SOX5: variants seen among roughly 807,000 people sequenced by gnomAD.
The protein encoded by SOX5 is transcription factor SOX-5.
SOX5 carries 9 observed loss-of-function variants against 92.0 expected under a neutral mutation model. That is an observed-to-expected ratio of 0.10 (90% CI 0.06 to 0.17). The LOEUF is 0.17. SOX5 is among the 10% of genes least tolerant of loss of function. The probability of loss-of-function intolerance (pLI) is 1.00; values close to 1 mark genes in which losing one functional copy is unlikely to be tolerated. For synonymous variants in SOX5, 344 were observed against 336.3 expected (o/e 1.02, Z -0.25); for missense variants, 642 against 944.5 (o/e 0.68, Z 4.20).
chr12:24,266,945 GTC>G (rs1943102073), intron 3 of SOX5, among the ~76,000 whole-genome samples: 1 of 152,128 alleles, frequency 6.6e-6, no homozygotes, highest in Non-Finnish European at 1.5e-5. Flanking sequence ...CACCAACACT[GTC>G]TCTTAGTATT....
At chr12:24,097,903 T>C (rs935097404) in intron 4 of SOX5, among the ~76,000 whole-genome samples, 1 of 152,188 alleles carries the variant, frequency 6.6e-6, no homozygotes, top group Non-Finnish European at 1.5e-5. Context: ...TGTAAACTTT[T>C]AAGCATATAT....
chr12:24,091,341 T>C (rs1354119540), intron 4 of SOX5, among the ~76,000 whole-genome samples: 1 of 152,052 alleles, frequency 6.6e-6, no homozygotes, highest in Non-Finnish European at 1.5e-5. Context: ...TACTTAAAGC[T>C]AGTGGCTAAA....
intron 10 of SOX5, among the ~76,000 whole-genome samples, chr12:23,570,926 AAAAAATATATATATATATATATATATAT>A (rs71059905): frequency 0.18 from 7,598 of 41,508 alleles, 1,229 homozygotes; most frequent in Non-Finnish European, 0.22. Flanking sequence ...AAAAAAAAAA[AAAAAATATATATATATATATATATATAT>A]ATATATATAT....
intron 2 of SOX5, among the ~76,000 whole-genome samples, chr12:23,867,900 G>A (rs542407255): frequency 6.6e-6 from 1 of 151,312 alleles, no homozygotes; most frequent in Admixed American, 6.6e-5. Flanking sequence ...AATAATATGA[G>A]TAGATAGATT....
intron 4 of SOX5, among the ~76,000 whole-genome samples, chr12:23,976,393 A>AAAAAAT: frequency 8.3e-6 from 1 of 120,868 alleles, no homozygotes; most frequent in Admixed American, 1.0e-4. Context: ...ACACTATTAA[A>AAAAAAT]AAAACAAAAA....
intron 4 of SOX5, among the ~76,000 whole-genome samples, chr12:24,095,309 G>A (rs1945266838): frequency 6.6e-6 from 1 of 151,976 alleles, no homozygotes; most frequent in Admixed American, 6.6e-5. Context: ...GTAATTGTCT[G>A]TTTTCTTCCT....
intron 3 of SOX5, among the ~76,000 whole-genome samples, chr12:23,787,992 C>T (rs563865771): frequency 1.3e-5 from 2 of 151,312 alleles, no homozygotes; most frequent in African/African-American, 2.4e-5. Context: ...AAAGATACTG[C>T]TCATCTATTT....
intron 1 of SOX5, among the ~76,000 whole-genome samples, chr12:24,370,022 T>C (rs1433478307): frequency 6.6e-6 from 1 of 152,036 alleles, no homozygotes; most frequent in Non-Finnish European, 1.5e-5. Flanking sequence ...TTCCCAATAA[T>C]AGATATAGAA....
chr12:24,160,657 G>T (rs1476453352), intron 4 of SOX5, among the ~76,000 whole-genome samples: 1 of 151,942 alleles, frequency 6.6e-6, no homozygotes, highest in Non-Finnish European at 1.5e-5. Flanking sequence ...AGGGAAGAAA[G>T]GTTGGATATA....
intron 13 of SOX5, among the ~76,000 whole-genome samples, chr12:23,541,789 C>T (rs1942100202): frequency 1.3e-5 from 2 of 152,120 alleles, no homozygotes; most frequent in South Asian, 4.1e-4. Context: ...TAGGTGGCAT[C>T]TATTATCTTT....
At chr12:24,063,594 A>G (rs1046067068) in intron 4 of SOX5, among the ~76,000 whole-genome samples, 3 of 152,228 alleles carry the variant, frequency 2.0e-5, no homozygotes, top group Non-Finnish European at 4.4e-5. Flanking sequence ...ATCTGGCTTT[A>G]CTTAAGGATG....
intron 3 of SOX5, among the ~76,000 whole-genome samples, chr12:23,843,553 C>CTTT (rs1568270499): frequency 1.0e-5 from 1 of 98,678 alleles, no homozygotes; most frequent in South Asian, 4.4e-4. Context: ...AGTCATTTCT[C>CTTT]CTTTTTTTTT....
intron 3 of SOX5, among the ~76,000 whole-genome samples, chr12:23,798,782 T>A (rs1295534731): frequency 2.0e-5 from 3 of 151,934 alleles, no homozygotes; most frequent in Non-Finnish European, 4.4e-5. Context: ...ATTACTAAAG[T>A]AATATAGAAC....
intron 3 of SOX5, among the ~76,000 whole-genome samples, chr12:23,813,196 TTTC>T (rs2095911119): frequency 6.6e-6 from 1 of 152,226 alleles, no homozygotes; most frequent in African/African-American, 2.4e-5. Context: ...TAAGGAGCAG[TTTC>T]TTTCCTGCTT....
intron 1 of SOX5, among the ~76,000 whole-genome samples, chr12:23,897,790 A>G (rs2097192138): frequency 6.6e-6 from 1 of 152,176 alleles, no homozygotes; most frequent in Non-Finnish European, 1.5e-5. Flanking sequence ...ACAAAATCTT[A>G]ATAGTACAGG....
At chr12:24,212,088 G>C (rs924140933) in intron 4 of SOX5, among the ~76,000 whole-genome samples, 17 of 152,182 alleles carry the variant, frequency 1.1e-4, no homozygotes, top group Admixed American at 3.3e-4. Context: ...TTACTTTGGC[G>C]TATCATTTTA....
At chr12:24,287,839 G>A (rs16927413) in intron 2 of SOX5, among the ~76,000 whole-genome samples, 1,902 of 151,882 alleles carry the variant, frequency 0.013, 35 homozygotes, top group African/African-American at 0.044. Flanking sequence ...AAATTCTTAC[G>A]AGACCCCAAA....
intron 4 of SOX5, among the ~76,000 whole-genome samples, chr12:24,017,113 T>G (rs1030425467): frequency 6.6e-6 from 1 of 152,316 alleles, no homozygotes; most frequent in East Asian, 1.9e-4. Context: ...CCATTTAACA[T>G]CTCTTTAAAC....
In SOX5 at chr12:23,784,317, A is replaced by AT. The variant is rs1023910343; in HGVS notation, c.482-28594dup. On this transcript the variant is annotated intron_variant, in intron 3 of 14. Coordinates refer to ENST00000451604, the MANE Select transcript of SOX5 (RefSeq NM_006940.6). Reference sequence around the variant, plus strand: ...ATGGTTCTTTGATTATTTTTATTTTATTTTATTCATTTTATTTTTTTATTT... The same window carrying AT: ...ATGGTTCTTTGATTATTTTTATTTTATTTTTATTCATTTTATTTTTTTATTT... Among the ~76,000 whole-genome samples the AT allele has an allele frequency of 1.0e-3, 153 of 152,032 alleles. 1 individual carries two copies. Among genetic ancestry groups the AT allele is most frequent in the African/African-American group, 3.6e-3 (151 of 41,486 alleles).
Sources: gnomAD v4.1 joint callset for allele counts (sites outside exome capture counted in the v4.1 genomes callset) on GRCh38, gnomAD v4.1.1 for gene constraint, MANE v1.5 for transcripts, NCBI Gene and HGNC (gene_info 2026-07-23, HGNC 2026-07-21) for gene names.